Variants in RPRD2 observed in about 807,000 individuals in gnomAD.
RPRD2 encodes regulation of nuclear pre-mRNA domain-containing protein 2.
Under a neutral mutation model 104.4 loss-of-function variants are expected in RPRD2, and 12 were observed. The ratio of observed to expected loss-of-function variants is 0.11; its 90% CI spans 0.07 to 0.19. RPRD2 has a LOEUF of 0.19. RPRD2 is among the 10% of genes least tolerant of loss of function. RPRD2 has a pLI of 1.00. For missense variants in RPRD2, 1,543 were observed against 1,790.1 expected (o/e 0.86, Z 2.49); for synonymous variants, 714 against 684.9 (o/e 1.04, Z -0.66).
At chr1:150,440,647 CTCAA>C (rs1666355722) in intron 2 of RPRD2, among the ~76,000 whole-genome samples, 2 of 152,172 alleles carry the variant, frequency 1.3e-5, no homozygotes, top group Non-Finnish European at 2.9e-5. Flanking sequence ...TCCCAGCCCT[CTCAA>C]GTTCATATCC....
At chr1:150,447,019 A>G (rs1014833454) in intron 7 of RPRD2, among the ~76,000 whole-genome samples, 34 of 151,972 alleles carry the variant, frequency 2.2e-4, no homozygotes, top group African/African-American at 8.2e-4. Flanking sequence ...TATTTTTAGT[A>G]GAGACGAGGT....
chr1:150,456,119 C>T (rs1667508668), intron 7 of RPRD2, among the ~76,000 whole-genome samples: 1 of 152,148 alleles, frequency 6.6e-6, no homozygotes, highest in African/African-American at 2.4e-5. Flanking sequence ...ACATGAACCA[C>T]CAGGCCCAGC....
Position 150,476,130 on chromosome 1 carries a change from G to A in RPRD2, c.*2796G>A, listed in dbSNP as rs587763485. Reference sequence around the variant, plus strand: ...CCTGCTCCCCTCTACCCTCTCAAAAGTTGAGAGTAAATAGAATTTGGTTTG... The same window carrying A: ...CCTGCTCCCCTCTACCCTCTCAAAAATTGAGAGTAAATAGAATTTGGTTTG... On this transcript the variant is annotated 3_prime_UTR_variant, in exon 11 of 11. Transcript: ENST00000369068. 3.3e-5 allele frequency: 5 copies of A among 152,328 alleles called. No individual in the cohort carries two copies. The East Asian group carries it at 7.7e-4, about 23-fold the overall frequency. 9.4% of individuals were successfully genotyped at this position (152,328 alleles called of 1,614,324 possible).
In RPRD2 at chr1:150,471,186, T is replaced by A; in HGVS notation, c.2238T>A (p.Ser746Arg). 3 of 1,613,810 alleles carry A rather than the reference T, an allele frequency of 1.9e-6. No homozygotes were observed. Among genetic ancestry groups the A allele is most frequent in the Non-Finnish European group, 2.5e-6 (3 of 1,179,834 alleles). Reference sequence around the variant, plus strand: ...TGATGGACAAGCCCACATCCAGCAGTGTAGATACTATGTCCCTGCTTTCTA... The same window carrying A: ...TGATGGACAAGCCCACATCCAGCAGAGTAGATACTATGTCCCTGCTTTCTA... ...DEMMDKPTSS[S>R]VDTMSLLSKI... Residue 746 changes from serine (S) to arginine (R), a missense_variant, in exon 11 of 11, where the codon AGT becomes AGA. Physicochemically the swap from Ser to Arg is moderately radical, Grantham distance 110. This residue lies in a region of RPRD2 where 572 missense variants were observed against 787.3 expected (regional missense o/e 0.73). Transcript: ENST00000369068. The surrounding 1 kb of genome is among the most constrained non-coding windows in gnomAD (Gnocchi z 5.3).
At chr1:150,367,091 T>G (rs1553877273) in intron 1 of RPRD2, among the ~76,000 whole-genome samples, 3 of 152,326 alleles carry the variant, frequency 2.0e-5, no homozygotes, top group Non-Finnish European at 2.9e-5. Context: ...TCAGTTGAAG[T>G]GCATTGTGTA....
chr1:150,413,057 A>T (rs1664060117), intron 1 of RPRD2, among the ~76,000 whole-genome samples: 1 of 152,120 alleles, frequency 6.6e-6, no homozygotes, highest in South Asian at 2.1e-4. Context: ...AAGGGGAGCA[A>T]GTCTAGGGGC....
In RPRD2 at chr1:150,456,252, G is replaced by A. The variant is rs1019710513; in HGVS notation, c.871-1036G>A. Among the ~76,000 whole-genome samples the A allele has an allele frequency of 1.9e-4, 29 of 151,770 alleles. 1 individual carries two copies. Among genetic ancestry groups the A allele is most frequent in the Non-Finnish European group, 7.4e-5 (5 of 67,980 alleles). ...TCCAGTACCTAGAAGATACATTTAG[G>A]CTCTCAATAAATATTGGTTGGTTGG... On this transcript the variant is annotated intron_variant, in intron 7 of 10. Coordinates refer to ENST00000369068, the MANE Select transcript of RPRD2 (RefSeq NM_015203.5).
chr1:150,436,907 TAAAA>T (rs1206916109), intron 2 of RPRD2, among the ~76,000 whole-genome samples: 1 of 145,872 alleles, frequency 6.9e-6, no homozygotes, highest in Non-Finnish European at 1.5e-5. Flanking sequence ...CCGTCTCAAA[TAAAA>T]AGAAAAAATA....
chr1:150,396,894 C>CA (rs1183977905), intron 1 of RPRD2, among the ~76,000 whole-genome samples: 1 of 151,978 alleles, frequency 6.6e-6, no homozygotes, highest in Non-Finnish European at 1.5e-5. Flanking sequence ...TCAAACGAGA[C>CA]ACACTATGCT....
intron 1 of RPRD2, among the ~76,000 whole-genome samples, chr1:150,395,239 G>A (rs1294534292): frequency 1.3e-5 from 2 of 152,148 alleles, no homozygotes; most frequent in Non-Finnish European, 2.9e-5. Flanking sequence ...CCACATATGA[G>A]TGAGAACATA....
chr1:150,448,193 A>C (rs1666924010), intron 7 of RPRD2, among the ~76,000 whole-genome samples: 1 of 151,834 alleles, frequency 6.6e-6, no homozygotes, highest in Admixed American at 6.6e-5. Context: ...TTTGAGATGG[A>C]GTCTCGCTTT....
intron 2 of RPRD2, among the ~76,000 whole-genome samples, chr1:150,423,983 G>A (rs55742549): frequency 0.31 from 47,756 of 151,694 alleles, 8,539 homozygotes; most frequent in Non-Finnish European, 0.4. Flanking sequence ...GTAGAGACGG[G>A]GTTTCTCCAT....
At chr1:150,448,177 C>CT (rs1296895386) in intron 7 of RPRD2, among the ~76,000 whole-genome samples, 2 of 151,774 alleles carry the variant, frequency 1.3e-5, no homozygotes, top group Non-Finnish European at 2.9e-5. Context: ...TTGTTGTTGT[C>CT]TTTTTTTTGA....
chr1:150,422,161 C>T (rs778074775), intron 2 of RPRD2, among the ~76,000 whole-genome samples: 1 of 115,966 alleles, frequency 8.6e-6, no homozygotes, highest in Non-Finnish European at 1.9e-5. Flanking sequence ...CCCGTCTCTA[C>T]TAAAAACACA....
At chr1:150,414,242 G>C (rs1249135986) in intron 1 of RPRD2, among the ~76,000 whole-genome samples, 1 of 152,172 alleles carries the variant, frequency 6.6e-6, no homozygotes, top group Non-Finnish European at 1.5e-5. Context: ...TATGCTGATA[G>C]CATTCCATTT....
chr1:150,405,688 T>C (rs1054667689), intron 1 of RPRD2, among the ~76,000 whole-genome samples: 2 of 152,190 alleles, frequency 1.3e-5, no homozygotes, highest in African/African-American at 4.8e-5. Context: ...CTTTCCTGGT[T>C]AACCATGCCT....
At chr1:150,458,878 A>AAGTG (rs1175061894) in intron 8 of RPRD2, among the ~76,000 whole-genome samples, 1 of 152,164 alleles carries the variant, frequency 6.6e-6, no homozygotes, top group Non-Finnish European at 1.5e-5. Context: ...TCCTGACCTC[A>AAGTG]AGTGATCCGC....
chr1:150,381,726 G>A lies in RPRD2; in HGVS notation c.205+16807G>A, dbSNP rs1318902743. ...TCACCGTGTCAGCCAGGATGGTCTC[G>A]ATCTCCTAACCTCGTGATCCGCCCG... On this transcript the variant is annotated intron_variant, in intron 1 of 10. Transcript: ENST00000369068. Among the ~76,000 whole-genome samples the A allele has an allele frequency of 2.0e-5, 3 of 151,908 alleles. No individual in the cohort carries two copies. The South Asian group carries it at 6.2e-4, about 32-fold the overall frequency.
chr1:150,452,614 A>G (rs1471209769), intron 7 of RPRD2, among the ~76,000 whole-genome samples: 1 of 149,198 alleles, frequency 6.7e-6, no homozygotes, highest in Admixed American at 6.7e-5. Context: ...AGTTTGACAA[A>G]GTTTTGGTCA....
Sources: gnomAD v4.1 joint callset for allele counts (sites outside exome capture counted in the v4.1 genomes callset) on GRCh38, gnomAD v4.1.1 for gene constraint, gnomAD v4.1.1 regional missense constraint, Gnocchi (gnomAD v3.1) non-coding constraint, MANE v1.5 for transcripts, NCBI Gene and HGNC (gene_info 2026-07-23, HGNC 2026-07-21) for gene names.